ANKRD11: variants seen among roughly 807,000 people sequenced by gnomAD.
The protein encoded by ANKRD11 is ankyrin repeat domain 11, also known as ankyrin repeat domain-containing protein 11.
A neutral mutation model predicts 195.7 loss-of-function variants in ANKRD11; 17 were observed. That is an observed-to-expected ratio of 0.09 (90% confidence interval 0.06 to 0.13). The LOEUF is 0.13. Ranked by LOEUF, ANKRD11 falls within the 10% of genes least tolerant of loss-of-function variation. The pLI, the probability that ANKRD11 is intolerant of heterozygous loss-of-function variation, is 1.00. For synonymous variants in ANKRD11, 1,953 were observed against 1,528.1 expected, an observed-to-expected ratio of 1.28 and a Z score of -6.49; for missense variants, 3,735 against 3,566.1, an observed-to-expected ratio of 1.05 and a Z score of -1.21.
At chr16:89,484,822 A>G (rs540026213) in intron 1 of ANKRD11, among the ~76,000 whole-genome samples, 25 of 152,320 alleles carry the variant, frequency 1.6e-4, no homozygotes, top group African/African-American at 5.3e-4. Context: ...AAAAGCCAAC[A>G]TTTTCAAATA....
chr16:89,274,664 G>T, intron 11 of ANKRD11, 150 bp downstream of exon 11: 1 of 1,206,366 alleles, frequency 8.3e-7, no homozygotes, highest in Non-Finnish European at 1.2e-6. Context: ...CTCGCCCAAG[G>T]CTAGAGGCAT....
chr16:89,288,870 A>G lies in ANKRD11; in HGVS notation c.602-200T>C, dbSNP rs2306633. On this transcript the variant is annotated intron_variant, in intron 6 of 12. Coordinates refer to ENST00000301030, the MANE Select transcript of ANKRD11 (RefSeq NM_013275.6). ...CTCTTTACTGTGGCACCTCGTTAGC[A>G]CGATCCATATCTAGCTTATTAACCC... The G allele has an allele frequency of 0.68, 456,418 of 674,488 alleles. 160,178 individuals carry two copies. Among genetic ancestry groups the G allele is most frequent in the Non-Finnish European group, 0.75 (287,153 of 385,404 alleles). 41.8% of individuals were successfully genotyped at this position (674,488 alleles called of 1,614,324 possible).
At chr16:89,476,883 A>G (rs938491232) in intron 1 of ANKRD11, among the ~76,000 whole-genome samples, 1 of 152,176 alleles carries the variant, frequency 6.6e-6, no homozygotes, top group Non-Finnish European at 1.5e-5. Context: ...GGGCAGACTC[A>G]TCTCACAGTA....
intron 1 of ANKRD11, among the ~76,000 whole-genome samples, chr16:89,446,765 T>C (rs756989290): frequency 6.6e-6 from 1 of 152,096 alleles, no homozygotes; most frequent in Non-Finnish European, 1.5e-5. Context: ...TCCTGTCCAG[T>C]GAGCACCAAG....
rs2034549590 is a variant in ANKRD11 at position 89,285,044 on chromosome 16, C to A, written c.1498G>T (p.Gly500Cys). ...ACCAGCGGGGACCCCTTGAGGCAGCCAGAGCTCCCCAGAGAGTCCCTGTCA... is the reference window on the plus strand; with the variant it reads ...ACCAGCGGGGACCCCTTGAGGCAGCAAGAGCTCCCCAGAGAGTCCCTGTCA... ...EDDRDSLGSS[G>C]CLKGSPLVLK... is the part of the protein sequence containing the mutation. Residue 500 changes from glycine to cysteine, a missense_variant, in exon 9 of 13, where the codon GGC (glycine) becomes TGC (cysteine). Gly to Cys is a radical substitution (Grantham distance 159). Transcript: ENST00000301030. This position sits in a 1 kb window ranked among gnomAD's most constrained non-coding sequence, Gnocchi z 5.6. 6.2e-7 allele frequency: 1 copy of A among 1,613,934 alleles called. No individual in the cohort carries two copies.
At position 89,291,210 on chromosome 16, in the gene ANKRD11, A is replaced by T; in HGVS notation, c.227-27T>A. The T allele has an allele frequency of 6.2e-7, 1 of 1,611,044 alleles. No individual in the cohort carries two copies. The highest frequency in any genetic ancestry group is 8.5e-7 in the Non-Finnish European group (1 of 1,179,806). On this transcript the variant is annotated intron_variant, in intron 4 of 12. Transcript: ENST00000301030. This position sits in a 1 kb window ranked among gnomAD's most constrained non-coding sequence, Gnocchi z 5.3. ...TGTGAGGCGGGCGAGGGAGAGAGGG[A>T]GGAGAGATTTCATGCCATGGTGTCC...
Position 89,267,787 on chromosome 16 carries a change from T to G in ANKRD11, c.*691A>C, listed in dbSNP as rs1333112855. 1 of 151,940 alleles carries G rather than the reference T, an allele frequency of 6.6e-6. No homozygotes were observed. Among genetic ancestry groups the G allele is most frequent in the Non-Finnish European group, 1.5e-5 (1 of 67,986 alleles). The allele number at this position is 151,940 out of a possible 1,614,324, so 9.4% of individuals were successfully genotyped here. On this transcript the variant is annotated 3_prime_UTR_variant, in exon 13 of 13. Transcript: ENST00000301030. ...TATAAAACTGTACAGCGTTTACGGA[T>G]ACACTTTTTATATGATTATTGGCTC... is the stretch of plus-strand genomic sequence containing the variant.
chr16:89,350,670 G>A (rs903370382), intron 2 of ANKRD11, among the ~76,000 whole-genome samples: 1 of 152,200 alleles, frequency 6.6e-6, no homozygotes, highest in Non-Finnish European at 1.5e-5. Flanking sequence ...AGAGGAAAGG[G>A]GGAACTTTCT....
chr16:89,379,997 C>G (rs958226040), intron 2 of ANKRD11, among the ~76,000 whole-genome samples: 1 of 152,194 alleles, frequency 6.6e-6, no homozygotes, highest in Non-Finnish European at 1.5e-5. Flanking sequence ...CATCTCCAAA[C>G]CCCTCAAGCT....
chr16:89,475,109 A>G (rs987212019), intron 1 of ANKRD11, among the ~76,000 whole-genome samples: 3 of 152,184 alleles, frequency 2.0e-5, no homozygotes, highest in Admixed American at 6.5e-5. Context: ...TAATTTTCCA[A>G]CAGACCCTCT....
intron 1 of ANKRD11, among the ~76,000 whole-genome samples, chr16:89,479,458 C>A (rs1164660971): frequency 6.6e-6 from 1 of 151,036 alleles, no homozygotes; most frequent in African/African-American, 2.4e-5. Flanking sequence ...CACGGAGAAA[C>A]CCCATGTCTA....
In ANKRD11 at chr16:89,282,716, C is replaced by G; in HGVS notation, c.3826G>C (p.Ala1276Pro). ...KERKSSRSADAEKSLLEKLEE... is the reference protein window; with the variant it reads ...KERKSSRSADPEKSLLEKLEE... ...AACTTTTCAAGCAGGCTTTTTTCCGCGTCGGCACTTCTCGAGGACTTCCTC... is the reference window on the plus strand; with the variant it reads ...AACTTTTCAAGCAGGCTTTTTTCCGGGTCGGCACTTCTCGAGGACTTCCTC... The change falls in exon 9 of 13, where the codon GCG (alanine) becomes CCG (proline). Residue 1276 changes from alanine (A) to proline (P), a missense_variant. Ala to Pro is a conservative substitution (Grantham distance 27, BLOSUM62 -1). Coordinates refer to ENST00000301030, the MANE Select transcript of ANKRD11 (RefSeq NM_013275.6). The G allele has an allele frequency of 6.2e-7, 1 of 1,614,044 alleles. No individual in the cohort carries two copies.
intron 2 of ANKRD11, among the ~76,000 whole-genome samples, chr16:89,413,984 C>T (rs1437183865): frequency 6.6e-6 from 1 of 152,178 alleles, no homozygotes; most frequent in South Asian, 2.1e-4. Context: ...GGAGGGGGCT[C>T]GGCTCTGGCT....
At chr16:89,369,297 G>A (rs919405405) in intron 2 of ANKRD11, among the ~76,000 whole-genome samples, 3 of 152,248 alleles carry the variant, frequency 2.0e-5, no homozygotes, top group South Asian at 2.1e-4. Context: ...CACGACACTC[G>A]CAGGTCTGTG....
intron 1 of ANKRD11, among the ~76,000 whole-genome samples, chr16:89,424,759 T>G (rs575764119): frequency 4.1e-4 from 63 of 152,104 alleles, no homozygotes; most frequent in Non-Finnish European, 7.4e-4. Flanking sequence ...AAGGGGCAAA[T>G]GTGGCTAGAA....
At chr16:89,460,530 G>C (rs2056617036) in intron 1 of ANKRD11, among the ~76,000 whole-genome samples, 1 of 152,148 alleles carries the variant, frequency 6.6e-6, no homozygotes. Flanking sequence ...TTGCACTCCA[G>C]CCTTGGTGAC....
At chr16:89,320,533 G>A (rs561681910) in intron 2 of ANKRD11, among the ~76,000 whole-genome samples, 34 of 152,298 alleles carry the variant, frequency 2.2e-4, no homozygotes, top group African/African-American at 7.2e-4. Context: ...ACCGCCCCCA[G>A]GCCACGCATT....
At position 89,332,456 on chromosome 16, in the gene ANKRD11, G is replaced by T. The variant is rs185903001; in HGVS notation, c.-59-15378C>A. Among the ~76,000 whole-genome samples, 12 of 152,258 alleles carry T rather than the reference G, an allele frequency of 7.9e-5. No individual in the cohort carries two copies. The South Asian group carries it at 1.0e-3, about 13-fold the overall frequency. ...CTCCACAACGGCAGCACCTGTACCC[G>T]CAGCTCTGGGGAGAAATGACACCTG... On this transcript the variant is annotated intron_variant, in intron 2 of 12. Transcript: ENST00000301030.
Position 89,316,867 on chromosome 16 carries a change from C to T in ANKRD11, c.87+66G>A, listed in dbSNP as rs1327992712. The stretch of plus-strand genomic sequence containing the variant: ...GAGAACAGGCCACAGGCGGGCAGCA[C>T]CCCATTCCCACCTCATCCCCATCTG... On this transcript the variant is annotated intron_variant, in intron 3 of 12. Coordinates refer to ENST00000301030, the MANE Select transcript of ANKRD11 (RefSeq NM_013275.6). 3.2e-6 allele frequency: 5 copies of T among 1,564,502 alleles called. No homozygotes were observed. In the African/African-American group the frequency reaches 5.4e-5, roughly 17 times the overall value.
Sources: allele counts gnomAD v4.1 joint callset (sites outside exome capture counted in the v4.1 genomes callset), GRCh38; gene constraint gnomAD v4.1.1; non-coding constraint Gnocchi (gnomAD v3.1); transcripts MANE v1.5; gene names NCBI Gene and HGNC (gene_info 2026-07-23, HGNC 2026-07-21).